The following OPCML variants were observed in gnomAD, a reference collection of about 807,000 sequenced individuals.
The protein encoded by OPCML is opioid binding protein/cell adhesion molecule like.
In OPCML, 13 loss-of-function variants were observed where a neutral mutation model predicts 37.8. The observed-to-expected ratio is 0.34, with a 90% CI of 0.22 to 0.55. The LOEUF (loss-of-function observed/expected upper bound fraction) is 0.55. OPCML is among the 20% of genes least tolerant of loss of function. The probability of loss-of-function intolerance (pLI) is 0.91; values close to 1 mark genes in which losing one functional copy is unlikely to be tolerated. For synonymous variants in OPCML, 176 were observed against 168.8 expected (o/e 1.04, Z -0.33); for missense variants, 341 against 435.6 (o/e 0.78, Z 1.93).
intron 2 of OPCML, among the ~76,000 whole-genome samples, chr11:132,868,834 A>G (rs1388993715): frequency 6.6e-6 from 1 of 152,086 alleles, no homozygotes; most frequent in Non-Finnish European, 1.5e-5. Flanking sequence ...GAATTGTTTG[A>G]CTTTGAGGGC....
chr11:133,272,532 CCT>C (rs1301861269), intron 1 of OPCML, among the ~76,000 whole-genome samples: 3 of 152,134 alleles, frequency 2.0e-5, no homozygotes, highest in Non-Finnish European at 4.4e-5. Flanking sequence ...AGGCCTGAAC[CCT>C]GTGTCCCTTC....
At chr11:132,489,683 T>C (rs1026823745) in intron 4 of OPCML, among the ~76,000 whole-genome samples, 1 of 151,928 alleles carries the variant, frequency 6.6e-6, no homozygotes, top group African/African-American at 2.4e-5. Context: ...TTATTATTAT[T>C]TTATTATACT....
intron 1 of OPCML, among the ~76,000 whole-genome samples, chr11:133,396,143 A>G (rs1241110666): frequency 6.7e-6 from 1 of 148,996 alleles, no homozygotes; most frequent in Non-Finnish European, 1.5e-5. Context: ...TGTGGCTACT[A>G]TAAATAGGAT....
At chr11:132,738,408 A>G (rs765441425) in intron 2 of OPCML, among the ~76,000 whole-genome samples, 4 of 152,248 alleles carry the variant, frequency 2.6e-5, no homozygotes, top group Middle Eastern at 3.2e-3. Context: ...CTTCACTCAT[A>G]CACACAAGTG....
chr11:132,747,309 C>T (rs1371381599), intron 2 of OPCML, among the ~76,000 whole-genome samples: 2 of 152,120 alleles, frequency 1.3e-5, no homozygotes, highest in African/African-American at 4.8e-5. Flanking sequence ...AAGTCATGAA[C>T]AACCGTGTAA....
At chr11:132,778,084 ACAGGCCAG>A (rs1359191916) in intron 2 of OPCML, among the ~76,000 whole-genome samples, 1 of 152,222 alleles carries the variant, frequency 6.6e-6, no homozygotes, top group Non-Finnish European at 1.5e-5. Context: ...TAGGGAAGCC[ACAGGCCAG>A]CAGCACACTG....
intron 3 of OPCML, among the ~76,000 whole-genome samples, chr11:132,653,852 A>T (rs968174395): frequency 6.6e-6 from 1 of 152,004 alleles, no homozygotes; most frequent in African/African-American, 2.4e-5. Flanking sequence ...ATACATAAAC[A>T]CCTTTTGTTT....
rs531836713 is a variant in OPCML, at chr11:133,202,779, G to A, written c.62-259769C>T. 5.3e-5 allele frequency among the ~76,000 whole-genome samples: 8 copies of A among 152,306 alleles called. No individual in the cohort carries two copies. The East Asian group carries it at 1.5e-3, about 29-fold the overall frequency. On this transcript the variant is annotated intron_variant, in intron 1 of 7. Coordinates refer to ENST00000524381, the MANE Select transcript of OPCML (RefSeq NM_001012393.5). ...CACACCAGCCAAGGGATCCTGCCAG[G>A]ACCCAACATGCTGCTTCATCTCACA...
At position 132,839,654 on chromosome 11, in the gene OPCML, C is replaced by G. The variant is rs191473621; in HGVS notation, c.146+103272G>C. 5.3e-4 allele frequency among the ~76,000 whole-genome samples: 81 copies of G among 152,256 alleles called. 1 individual carries two copies. The highest frequency in any genetic ancestry group is 5.0e-3 in the Admixed American group (76 of 15,286). On this transcript the variant is annotated intron_variant, in intron 2 of 7. Coordinates refer to ENST00000524381, the MANE Select transcript of OPCML (RefSeq NM_001012393.5). ...CTGTTGTTGACGCTGATTATTTAAT[C>G]TGAAATCCTTCCTCCACTGAACTTC... is the stretch of plus-strand genomic sequence containing the variant.
intron 1 of OPCML, among the ~76,000 whole-genome samples, chr11:133,014,479 T>A (rs1466319848): frequency 6.6e-6 from 1 of 152,140 alleles, no homozygotes; most frequent in African/African-American, 2.4e-5. Context: ...ACAGGCTCCT[T>A]CCCCATGAAG....
intron 1 of OPCML, among the ~76,000 whole-genome samples, chr11:133,498,880 A>C (rs1386627912): frequency 2.0e-5 from 3 of 152,226 alleles, no homozygotes; most frequent in Non-Finnish European, 4.4e-5. Context: ...TATGGAACCC[A>C]ACAGGCTCTA....
intron 2 of OPCML, among the ~76,000 whole-genome samples, chr11:132,782,911 G>T (rs1344711001): frequency 3.4e-5 from 3 of 87,072 alleles, no homozygotes; most frequent in Admixed American, 1.4e-4. Flanking sequence ...TATATATATA[G>T]TGTGTGTATA....
intron 3 of OPCML, among the ~76,000 whole-genome samples, chr11:132,597,738 C>T (rs1310752065): frequency 6.6e-6 from 1 of 152,170 alleles, no homozygotes; most frequent in East Asian, 1.9e-4. Flanking sequence ...GATGGCTTCA[C>T]AGCTGCAGAA....
intron 1 of OPCML, among the ~76,000 whole-genome samples, chr11:133,366,924 G>A (rs1030256260): frequency 1.1e-4 from 17 of 152,112 alleles, no homozygotes; most frequent in African/African-American, 3.1e-4. Context: ...GGGACAACCC[G>A]AGCGTTCCCC....
chr11:132,425,383 T>A (rs2095974671), intron 7 of OPCML, among the ~76,000 whole-genome samples: 1 of 152,214 alleles, frequency 6.6e-6, no homozygotes, highest in South Asian at 2.1e-4. Context: ...GAGCATTGAT[T>A]TTAAGAGTCA....
intron 2 of OPCML, among the ~76,000 whole-genome samples, chr11:132,694,232 C>T (rs954476473): frequency 9.2e-6 from 1 of 108,626 alleles, no homozygotes; most frequent in African/African-American, 3.5e-5. Context: ...CGGAATCTTC[C>T]TCTATCATCA....
At chr11:132,732,676 A>C (rs191568350) in intron 2 of OPCML, among the ~76,000 whole-genome samples, 27 of 152,316 alleles carry the variant, frequency 1.8e-4, no homozygotes, top group Admixed American at 1.6e-3. Flanking sequence ...CAGAAAGGAG[A>C]CCTGAAAGAA....
chr11:132,910,208 G>A (rs1314939484), intron 2 of OPCML, among the ~76,000 whole-genome samples: 1 of 152,206 alleles, frequency 6.6e-6, no homozygotes, highest in African/African-American at 2.4e-5. Flanking sequence ...CCGCATTCCC[G>A]AATGGAGTCT....
At chr11:132,734,131 A>C (rs1945175636) in intron 2 of OPCML, among the ~76,000 whole-genome samples, 1 of 152,170 alleles carries the variant, frequency 6.6e-6, no homozygotes, top group Admixed American at 6.5e-5. Flanking sequence ...ATATATGGTA[A>C]ATATTCAGTA....
Sources: allele counts gnomAD v4.1 joint callset (sites outside exome capture counted in the v4.1 genomes callset), GRCh38; gene constraint gnomAD v4.1.1; transcripts MANE v1.5; gene names NCBI Gene and HGNC (gene_info 2026-07-23, HGNC 2026-07-21).